PCDHGA3: variants seen among roughly 807,000 people sequenced by gnomAD.
The protein encoded by PCDHGA3 is protocadherin gamma subfamily A, 3, also known as protocadherin gamma-A3.
In PCDHGA3, 40 loss-of-function variants were observed where a neutral mutation model predicts 58.5. That is an observed-to-expected ratio of 0.68 (90% confidence interval 0.53 to 0.89). The LOEUF (loss-of-function observed/expected upper bound fraction) is 0.89. Ranked by LOEUF, PCDHGA3 falls within the 40% of genes least tolerant of loss-of-function variation. PCDHGA3 has a pLI of 0.00. For synonymous variants in PCDHGA3, 530 were observed against 525.7 expected (o/e 1.01, Z -0.11); for missense variants, 1,223 against 1,195.9 (o/e 1.02, Z -0.33).
intron 1 of PCDHGA3, chr5:141,366,719 G>A: frequency 6.2e-7 from 1 of 1,613,834 alleles, no homozygotes; most frequent in Non-Finnish European, 8.5e-7. Flanking sequence ...GTCTGATAAG[G>A]TAGATGCAAA....
intron 1 of PCDHGA3, chr5:141,423,522 G>A: frequency 6.2e-7 from 1 of 1,613,850 alleles, no homozygotes; most frequent in South Asian, 1.1e-5. Context: ...CGGACTCGCA[G>A]AAGAGTCACC....
chr5:141,405,471 A>C, intron 1 of PCDHGA3: 6 of 1,084,370 alleles, frequency 5.5e-6, no homozygotes, highest in Non-Finnish European at 7.9e-6. Context: ...CCAGGCTGGA[A>C]TGCAGTGGTG....
At chr5:141,362,337 G>A (rs1427946094) in intron 1 of PCDHGA3, 2 of 1,614,084 alleles carry the variant, frequency 1.2e-6, no homozygotes, top group East Asian at 2.2e-5. Context: ...TCAGCTCCAA[G>A]CCTGGACCTG....
intron 1 of PCDHGA3, chr5:141,362,695 T>A: frequency 1.8e-6 from 2 of 1,090,718 alleles, no homozygotes; most frequent in Non-Finnish European, 2.6e-6. Flanking sequence ...CTTATCTAAC[T>A]GAATTTTAAG....
intron 1 of PCDHGA3, chr5:141,351,427 A>G: frequency 6.2e-7 from 1 of 1,611,398 alleles, no homozygotes; most frequent in Non-Finnish European, 8.5e-7. Context: ...TTCCTTTCAA[A>G]TTAGAATCCA....
chr5:141,439,211 A>G (rs1438403213), intron 1 of PCDHGA3, among the ~76,000 whole-genome samples: 1 of 151,666 alleles, frequency 6.6e-6, no homozygotes, highest in Non-Finnish European at 1.5e-5. Flanking sequence ...AAAAATCCAT[A>G]TGTGAAAATT....
chr5:141,356,256 CA>C (rs1760169250), intron 1 of PCDHGA3: 1 of 1,570,702 alleles, frequency 6.4e-7, no homozygotes, highest in South Asian at 1.2e-5. Context: ...TTACATCTCT[CA>C]CCAGCTCAGT....
intron 1 of PCDHGA3, chr5:141,423,752 G>T: frequency 6.2e-6 from 4 of 644,948 alleles, no homozygotes; most frequent in Non-Finnish European, 7.8e-6. Context: ...AAACTGTTTG[G>T]GGGGGGGGTG....
chr5:141,374,304 T>C lies in PCDHGA3; in HGVS notation c.2424+27847T>C, dbSNP rs748378038. On this transcript the variant is annotated intron_variant, in intron 1 of 3. Coordinates refer to ENST00000253812, the MANE Select transcript of PCDHGA3 (RefSeq NM_018916.4). ...ATCGTCTCCAGAGGTAGGATGCAGC[T>C]TTTCTCTCTGAATCCGCGAAACGGC... 3.7e-6 allele frequency: 6 copies of C among 1,613,950 alleles called. No homozygotes were observed. The highest frequency in any genetic ancestry group is 1.7e-4 in the Middle Eastern group (1 of 6,058).
At chr5:141,434,035 T>C (rs2154556047) in intron 1 of PCDHGA3, among the ~76,000 whole-genome samples, 1 of 152,316 alleles carries the variant, frequency 6.6e-6, no homozygotes, top group Non-Finnish European at 1.5e-5. Flanking sequence ...AAGCATGGTT[T>C]TCTATTTTAT....
intron 1 of PCDHGA3, chr5:141,370,892 G>A: frequency 6.2e-7 from 1 of 1,613,936 alleles, no homozygotes; most frequent in Non-Finnish European, 8.5e-7. Context: ...GTGTCAATTC[G>A]CTGCAGCAGT....
At chr5:141,366,313 C>T (rs1764486391) in intron 1 of PCDHGA3, 1 of 1,613,760 alleles carries the variant, frequency 6.2e-7, no homozygotes, top group Non-Finnish European at 8.5e-7. Context: ...TCACGGTCAC[C>T]GTTGCCGTGG....
chr5:141,431,681 G>A lies in PCDHGA3; in HGVS notation c.2425-63126G>A. The A allele has an allele frequency of 6.2e-7, 1 of 1,614,214 alleles. No homozygotes were observed. The highest frequency in any genetic ancestry group is 1.1e-5 in the South Asian group (1 of 91,086). ...GACAATATCAACAATAGGGGAGTTG[G>A]ACCACGAGGAGTCAGGATTCTACCA... On this transcript the variant is annotated intron_variant, in intron 1 of 3. Coordinates refer to ENST00000253812, the MANE Select transcript of PCDHGA3 (RefSeq NM_018916.4). This position sits in a 1 kb window ranked among gnomAD's most constrained non-coding sequence, Gnocchi z 4.8.
At chr5:141,501,510 T>G (rs11744379) in intron 2 of PCDHGA3, among the ~76,000 whole-genome samples, 29,206 of 151,772 alleles carry the variant, frequency 0.19, 2,837 homozygotes, top group Middle Eastern at 0.24. Context: ...CTCCAAGGCC[T>G]CCAAGCTGAA....
At chr5:141,436,588 G>A (rs1182294845) in intron 1 of PCDHGA3, among the ~76,000 whole-genome samples, 3 of 152,138 alleles carry the variant, frequency 2.0e-5, no homozygotes, top group Non-Finnish European at 2.9e-5. Context: ...AATTTGAAAG[G>A]TCGTGGTGAT....
intron 1 of PCDHGA3, chr5:141,414,681 G>A: frequency 6.2e-7 from 1 of 1,613,954 alleles, no homozygotes; most frequent in African/African-American, 1.3e-5. Context: ...CCATCCAGGG[G>A]GTACCTCTGT....
At chr5:141,352,247 A>C in intron 1 of PCDHGA3, 1 of 1,614,076 alleles carries the variant, frequency 6.2e-7, no homozygotes, top group Non-Finnish European at 8.5e-7. Context: ...CTTCGCGGAT[A>C]GCCTGCAAGA....
intron 1 of PCDHGA3, among the ~76,000 whole-genome samples, chr5:141,363,030 AT>A (rs749692043): frequency 2.6e-5 from 4 of 152,260 alleles, no homozygotes; most frequent in Non-Finnish European, 4.4e-5. Context: ...ACATTGTCCC[AT>A]TGACTTGAAG....
At position 141,404,162 on chromosome 5, in the gene PCDHGA3, T is replaced by C. The variant is rs768188662; in HGVS notation, c.2424+57705T>C. The C allele has an allele frequency of 2.0e-5, 33 of 1,613,076 alleles. No homozygotes were observed. In the East Asian group the frequency reaches 7.4e-4, roughly 36 times the overall value. ...AAATTCAGAAGAAGATTATTACAGA[T>C]TGTTGACGGCCCAAATTCTTGACCG... On this transcript the variant is annotated intron_variant, in intron 1 of 3. Transcript: ENST00000253812.
Sources: gnomAD v4.1 joint callset for allele counts (sites outside exome capture counted in the v4.1 genomes callset) on GRCh38, gnomAD v4.1.1 for gene constraint, Gnocchi (gnomAD v3.1) non-coding constraint, MANE v1.5 for transcripts, NCBI Gene and HGNC (gene_info 2026-07-23, HGNC 2026-07-21) for gene names.